SPOPL: variants seen among roughly 807,000 people sequenced by gnomAD.
SPOPL encodes speckle-type POZ protein-like.
In SPOPL, 23 loss-of-function variants were observed where a neutral mutation model predicts 53.8. That is an observed-to-expected ratio of 0.43 (90% CI 0.31 to 0.61). The LOEUF (loss-of-function observed/expected upper bound fraction) is 0.61, where lower values mean the gene tolerates loss of function less well. Among genes scored for constraint, SPOPL ranks in the 20% least tolerant of loss-of-function variants. The probability of loss-of-function intolerance (pLI) is 0.12; values close to 1 mark genes in which losing one functional copy is unlikely to be tolerated. For synonymous variants in SPOPL, 164 were observed against 149.7 expected (o/e 1.10, Z -0.70); for missense variants, 442 against 466.9 (o/e 0.95, Z 0.49).
intron 1 of SPOPL, among the ~76,000 whole-genome samples, chr2:138,528,551 G>GA (rs1684728143): frequency 6.6e-6 from 1 of 152,250 alleles, no homozygotes; most frequent in East Asian, 1.9e-4. Flanking sequence ...AAAAGAGATT[G>GA]ATAAATGTGT....
At position 138,568,943 on chromosome 2, in the gene SPOPL, A is replaced by C; in HGVS notation, c.1042A>C (p.Thr348Pro). The C allele has an allele frequency of 6.2e-7, 1 of 1,613,680 alleles. No individual in the cohort carries two copies. Among genetic ancestry groups the C allele is most frequent in the Middle Eastern group, 1.7e-4 (1 of 6,054 alleles). ...TTTAATTCTATTTTTCAGCCAAGCA[A>C]CCGACATAATGGAAACATCAGGGTG... Reference protein sequence around the residue: ...DGKNWNSNQATDIMETSGWKS... With the variant: ...DGKNWNSNQAPDIMETSGWKS... The change falls in exon 11 of 11, where the codon ACC (threonine) becomes CCC (proline). Residue 348 changes from threonine (T) to proline (P), a missense_variant. Coordinates refer to ENST00000280098, the MANE Select transcript of SPOPL (RefSeq NM_001001664.3).
intron 1 of SPOPL, among the ~76,000 whole-genome samples, chr2:138,522,397 C>G (rs141290938): frequency 6.6e-6 from 1 of 152,244 alleles, no homozygotes; most frequent in East Asian, 1.9e-4. Flanking sequence ...ACTTATGCCT[C>G]AAGGACCCAG....
rs144792997 is a variant in SPOPL at position 138,536,315 on chromosome 2, G to A, written c.-60-13842G>A. Among the ~76,000 whole-genome samples, 170 of 150,670 alleles carry A rather than the reference G, an allele frequency of 1.1e-3. 2 individuals are homozygous for A. Among genetic ancestry groups the A allele is most frequent in the African/African-American group, 3.8e-3 (155 of 40,442 alleles). On this transcript the variant is annotated intron_variant, in intron 1 of 10. Coordinates refer to ENST00000280098, the MANE Select transcript of SPOPL (RefSeq NM_001001664.3). ...TTCTTGCTTATTTTGTTTATGGACTGTTTTAGTGGAGTCTATTTAGTGCCC... is the reference window on the plus strand; with the variant it reads ...TTCTTGCTTATTTTGTTTATGGACTATTTTAGTGGAGTCTATTTAGTGCCC...
intron 1 of SPOPL, among the ~76,000 whole-genome samples, chr2:138,520,250 T>C (rs374787788): frequency 6.6e-6 from 1 of 152,322 alleles, no homozygotes; most frequent in East Asian, 1.9e-4. Context: ...TTTAAGAGCT[T>C]TAAGCCATTG....
intron 5 of SPOPL, among the ~76,000 whole-genome samples, chr2:138,556,730 A>G (rs1685432584): frequency 6.6e-6 from 1 of 152,222 alleles, no homozygotes. Context: ...ATTTATTTAT[A>G]CAATATCTTG....
intron 5 of SPOPL, 55 bp downstream of exon 5, chr2:138,552,736 A>C: frequency 6.5e-7 from 1 of 1,548,152 alleles, no homozygotes; most frequent in African/African-American, 1.4e-5. Flanking sequence ...ATATGGCAAA[A>C]GTATAAACTG....
intron 1 of SPOPL, among the ~76,000 whole-genome samples, chr2:138,523,895 T>A (rs1485038738): frequency 6.6e-6 from 1 of 152,136 alleles, no homozygotes; most frequent in Non-Finnish European, 1.5e-5. Context: ...AGGCGCACGG[T>A]ACAAACTGTC....
At chr2:138,536,940 G>A (rs1485015906) in intron 1 of SPOPL, among the ~76,000 whole-genome samples, 1 of 152,156 alleles carries the variant, frequency 6.6e-6, no homozygotes, top group African/African-American at 2.4e-5. Flanking sequence ...GCTGGAGGGA[G>A]GCAGTAGCCT....
intron 1 of SPOPL, among the ~76,000 whole-genome samples, chr2:138,519,774 G>A (rs1028676899): frequency 6.6e-6 from 1 of 152,024 alleles, no homozygotes; most frequent in Admixed American, 6.6e-5. Context: ...CCTGAGTGAC[G>A]GAGTGAGACT....
intron 1 of SPOPL, among the ~76,000 whole-genome samples, chr2:138,517,271 A>G (rs1684458758): frequency 6.6e-6 from 1 of 152,176 alleles, no homozygotes; most frequent in Non-Finnish European, 1.5e-5. Flanking sequence ...GGTTGGCAGG[A>G]GTATTGTGGA....
chr2:138,526,122 C>CT (rs1318523785), intron 1 of SPOPL, among the ~76,000 whole-genome samples: 1 of 152,028 alleles, frequency 6.6e-6, no homozygotes, highest in Admixed American at 6.6e-5. Flanking sequence ...CTGACTATAA[C>CT]TTTTTTTACT....
chr2:138,503,386 A>T (rs1232116496), intron 1 of SPOPL, among the ~76,000 whole-genome samples: 1 of 152,250 alleles, frequency 6.6e-6, no homozygotes, highest in Non-Finnish European at 1.5e-5. Flanking sequence ...CAAGTAAAGT[A>T]CTTAAAACAG....
At chr2:138,512,413 G>A (rs866612128) in intron 1 of SPOPL, among the ~76,000 whole-genome samples, 31 of 152,238 alleles carry the variant, frequency 2.0e-4, no homozygotes, top group Admixed American at 1.2e-3. Flanking sequence ...AACCTCATAA[G>A]AAACTGATTC....
intron 10 of SPOPL, 56 bp downstream of exon 10, chr2:138,565,049 T>G: frequency 6.3e-7 from 1 of 1,589,362 alleles, no homozygotes; most frequent in Non-Finnish European, 8.6e-7. Context: ...AGATTAAGTG[T>G]TTGCATAGCC....
chr2:138,534,659 C>A (rs146031459), intron 1 of SPOPL, among the ~76,000 whole-genome samples: 1,656 of 152,130 alleles, frequency 0.011, 34 homozygotes, highest in African/African-American at 0.038. Context: ...AGTACAGTTC[C>A]GTAATGGCTT....
intron 8 of SPOPL, among the ~76,000 whole-genome samples, chr2:138,561,693 A>G (rs1685552910): frequency 6.6e-6 from 1 of 151,944 alleles, no homozygotes; most frequent in African/African-American, 2.4e-5. Context: ...CATTTACAAT[A>G]GCAGCATCAT....
chr2:138,557,825 TG>T (rs2104899050), intron 5 of SPOPL, among the ~76,000 whole-genome samples: 1 of 152,304 alleles, frequency 6.6e-6, no homozygotes, highest in Non-Finnish European at 1.5e-5. Context: ...TTAAATGTAA[TG>T]TGAAATTTTT....
chr2:138,541,312 G>A (rs892397369), intron 1 of SPOPL, among the ~76,000 whole-genome samples: 3 of 152,200 alleles, frequency 2.0e-5, no homozygotes, highest in Non-Finnish European at 2.9e-5. Flanking sequence ...AGTTTCAGAA[G>A]GAATGGTACC....
chr2:138,508,817 G>T (rs1684267625), intron 1 of SPOPL, among the ~76,000 whole-genome samples: 2 of 151,894 alleles, frequency 1.3e-5, no homozygotes, highest in South Asian at 4.2e-4. Flanking sequence ...AAAATCTTTT[G>T]CTCTTGCCTT....
Sources: allele counts gnomAD v4.1 joint callset (sites outside exome capture counted in the v4.1 genomes callset), GRCh38; gene constraint gnomAD v4.1.1; transcripts MANE v1.5; gene names NCBI Gene and HGNC (gene_info 2026-07-23, HGNC 2026-07-21).